The following ARID3C variants were observed in gnomAD, a reference collection of about 807,000 sequenced individuals.
ARID3C encodes AT-rich interactive domain-containing protein 3C.
Under a neutral mutation model 37.9 loss-of-function variants are expected in ARID3C, and 42 were observed. That is an observed-to-expected ratio of 1.11 (90% CI 0.87 to 1.43). ARID3C has a LOEUF of 1.43. Among genes scored for constraint, ARID3C ranks in the 40% most tolerant of loss-of-function variants. The pLI is 0.00. For synonymous variants in ARID3C, 213 were observed against 228.0 expected (o/e 0.93, Z 0.59); for missense variants, 581 against 548.8 (o/e 1.06, Z -0.59).
At chr9:34,631,052 G>A (rs760517485), upstream of ARID3C, among the ~76,000 whole-genome samples, 3 of 152,194 alleles carry the variant, frequency 2.0e-5, no homozygotes, top group Non-Finnish European at 4.4e-5. Context: ...CTGGAAGACT[G>A]GAGAGCAGAG....
intron 6 of ARID3C, among the ~76,000 whole-genome samples, 194 bp from the exon 8 acceptor site, chr9:34,621,752 G>GT: frequency 6.6e-6 from 1 of 152,218 alleles, no homozygotes; most frequent in South Asian, 2.1e-4. Flanking sequence ...CCTCAAACAG[G>GT]TAAACAAGGA....
At chr9:34,632,816 A>G (rs1238115023), upstream of ARID3C, among the ~76,000 whole-genome samples, 3 of 152,094 alleles carry the variant, frequency 2.0e-5, no homozygotes, top group African/African-American at 7.2e-5. Flanking sequence ...TTTGCTTTGG[A>G]TATCTCAAGT....
intron 2 of ARID3C, among the ~76,000 whole-genome samples, 177 bp from the exon 4 acceptor site, chr9:34,624,224 G>A (rs1036609961): frequency 6.6e-6 from 1 of 151,572 alleles, no homozygotes; most frequent in Non-Finnish European, 1.5e-5. Context: ...TAGAACGGGG[G>A]GGGGCAAAGT....
upstream of ARID3C, among the ~76,000 whole-genome samples, chr9:34,631,141 T>C (rs1820719913): frequency 6.6e-6 from 1 of 151,874 alleles, no homozygotes. Context: ...TCAGAGGAGG[T>C]CCATGGACAA....
At chr9:34,624,537 C>T (rs959411805) in intron 2 of ARID3C, among the ~76,000 whole-genome samples, 2 of 152,214 alleles carry the variant, frequency 1.3e-5, no homozygotes, top group Non-Finnish European at 1.5e-5. Context: ...TGCTGAAGAG[C>T]CGGCCTCCCC....
intron 1 of ARID3C, among the ~76,000 whole-genome samples, chr9:34,626,988 G>C (rs1564091854): frequency 6.6e-6 from 1 of 152,138 alleles, no homozygotes; most frequent in Non-Finnish European, 1.5e-5. Flanking sequence ...CACCCAGAAG[G>C]GTTCTCCAGG....
exon 7 of ARID3C, chr9:34,621,416 C>A: frequency 2.2e-6 from 3 of 1,365,976 alleles, no homozygotes; most frequent in Non-Finnish European, 2.9e-6. Flanking sequence ...CTCCTCCCCC[C>A]TCAGCAATGG....
At chr9:34,627,884 G>T in exon 1 of ARID3C, 1 of 1,569,914 alleles carries the variant, frequency 6.4e-7, no homozygotes, top group Non-Finnish European at 8.6e-7. Context: ...ATTCCCCAAG[G>T]CCCCCTCAGG....
chr9:34,630,239 G>A (rs567079934), upstream of ARID3C, among the ~76,000 whole-genome samples: 4 of 152,116 alleles, frequency 2.6e-5, no homozygotes, highest in East Asian at 1.9e-4. Context: ...ACTGCTTTGC[G>A]CCCTCCCCCT....
chr9:34,624,370 A>G (rs996559101), intron 2 of ARID3C, among the ~76,000 whole-genome samples: 1 of 152,264 alleles, frequency 6.6e-6, no homozygotes, highest in Non-Finnish European at 1.5e-5. Flanking sequence ...CTGAAATTCG[A>G]ATTTCACCAG....
At position 34,625,629 on chromosome 9, in the gene ARID3C, C is replaced by T. The variant is rs182916363; in HGVS notation, c.391+113G>A. On this transcript the variant is annotated intron_variant, in intron 2 of 6. Transcript: ENST00000378909. ...AGAGGTTAAAGACGCTATCGAGGGC[C>T]CAAAGGACAGGTGCTGCCAAGCTCA... 1.0e-4 allele frequency: 116 copies of T among 1,160,308 alleles called. No individual in the cohort carries two copies. The African/African-American group carries it at 1.0e-3, about 10-fold the overall frequency. The allele number at this position is 1,160,308 out of a possible 1,614,324, so 71.9% of individuals were successfully genotyped here.
At position 34,622,351 on chromosome 9, in the gene ARID3C, CA is replaced by C. The variant is rs1442296537; in HGVS notation, c.1043del (p.Leu348ArgfsTer24). On this transcript the variant is annotated frameshift_variant, in exon 5 of 7. Transcript: ENST00000378909. LOFTEE classifies it high-confidence loss of function. ...TCACAACAAGCCCCTCCTCACCCCT[CA>C]GGGGAACCTTGCCACGGGGCAGGAA... The C allele has an allele frequency of 6.2e-7, 1 of 1,606,764 alleles. No homozygotes were observed. Among genetic ancestry groups the C allele is most frequent in the African/African-American group, 1.3e-5 (1 of 74,680 alleles).
upstream of ARID3C, among the ~76,000 whole-genome samples, chr9:34,631,368 T>C (rs1564092976): frequency 6.6e-6 from 1 of 152,184 alleles, no homozygotes; most frequent in African/African-American, 2.4e-5. Flanking sequence ...AGGAATATGC[T>C]TGACTGGGAC....
chr9:34,622,482 C>T, exon 5 of ARID3C: 1 of 1,613,166 alleles, frequency 6.2e-7, no homozygotes, highest in Non-Finnish European at 8.5e-7. Context: ...GGTCCCAGTG[C>T]CAGGCCCACA....
Position 34,623,724 on chromosome 9 carries a change from G to T in ARID3C, c.576-10C>A. On this transcript the variant is annotated splice_polypyrimidine_tract_variant and intron_variant, in intron 3 of 6. Transcript: ENST00000378909. ...CAGGTACTTCATGTACCTAGGGGCG[G>T]ACAGCGGGCGGTGAGTGTATGGGAG... is the stretch of plus-strand genomic sequence containing the variant. The T allele has an allele frequency of 6.6e-7, 1 of 1,518,776 alleles. No homozygotes were observed. The highest frequency in any genetic ancestry group is 2.0e-5 in the Admixed American group (1 of 50,034). The allele number at this position is 1,518,776 out of a possible 1,614,324, so 94.1% of individuals were successfully genotyped here.
chr9:34,625,145 A>G (rs878917523), intron 2 of ARID3C, among the ~76,000 whole-genome samples: 4 of 152,132 alleles, frequency 2.6e-5, no homozygotes, highest in Admixed American at 2.6e-4. Flanking sequence ...TTAGCTTTGC[A>G]GAGAGAGATA....
chr9:34,630,705 C>T (rs552149432), upstream of ARID3C, among the ~76,000 whole-genome samples: 4 of 152,298 alleles, frequency 2.6e-5, no homozygotes, highest in African/African-American at 9.6e-5. Flanking sequence ...CGCCACCCTT[C>T]TCTGCACCCT....
downstream of ARID3C, chr9:34,621,343 G>A (rs1432464948): frequency 1.5e-6 from 1 of 678,142 alleles, no homozygotes; most frequent in African/African-American, 1.9e-5. Flanking sequence ...GGCATGGGAG[G>A]TGTCGTCCCC....
intron 2 of ARID3C, among the ~76,000 whole-genome samples, chr9:34,624,801 C>T (rs1339424404): frequency 1.3e-5 from 2 of 152,330 alleles, no homozygotes; most frequent in South Asian, 2.1e-4. Flanking sequence ...CCCGCGGGAC[C>T]CCCTCCCCCT....
Sources: gnomAD v4.1 joint callset for allele counts (sites outside exome capture counted in the v4.1 genomes callset) on GRCh38, gnomAD v4.1.1 for gene constraint, MANE v1.5 for transcripts, NCBI Gene and HGNC (gene_info 2026-07-23, HGNC 2026-07-21) for gene names.